TMEM14A: variants seen among roughly 807,000 people sequenced by gnomAD.
TMEM14A encodes transmembrane protein 14A.
Under a neutral mutation model 11.6 loss-of-function variants are expected in TMEM14A, and 8 were observed. The ratio of observed to expected loss-of-function variants is 0.69; its 90% CI spans 0.40 to 1.24. The LOEUF is 1.24. TMEM14A is among the 50% of genes most tolerant of loss of function. The pLI, the probability that TMEM14A is intolerant of heterozygous loss-of-function variation, is 0.01. For synonymous variants in TMEM14A, 34 were observed against 45.5 expected (o/e 0.75, Z 1.02); for missense variants, 108 against 121.9 (o/e 0.89, Z 0.54).
intron 1 of TMEM14A, among the ~76,000 whole-genome samples, chr6:52,675,196 T>C (rs959005261): frequency 6.6e-6 from 1 of 152,196 alleles, no homozygotes; most frequent in African/African-American, 2.4e-5. Flanking sequence ...TTTTATGTTC[T>C]ACATTAATTT....
chr6:52,674,939 C>T lies in TMEM14A; in HGVS notation c.-16-2148C>T, dbSNP rs924840958. Among the ~76,000 whole-genome samples the T allele has an allele frequency of 2.0e-5, 3 of 148,812 alleles. No homozygotes were observed. In the East Asian group the frequency reaches 5.9e-4, roughly 29 times the overall value. On this transcript the variant is annotated intron_variant, in intron 1 of 4. Coordinates refer to ENST00000211314, the MANE Select transcript of TMEM14A (RefSeq NM_014051.4). The stretch of plus-strand genomic sequence containing the variant: ...ACGCCCAGGCTGGAGTGCAGTGGCA[C>T]GATCACAGTTGATTGCAACCTCTGC...
chr6:52,673,828 A>T (rs746076314), intron 1 of TMEM14A, among the ~76,000 whole-genome samples: 1 of 152,212 alleles, frequency 6.6e-6, no homozygotes, highest in Non-Finnish European at 1.5e-5. Context: ...ATATGTTATA[A>T]TACTATGGTA....
intron 2 of TMEM14A, among the ~76,000 whole-genome samples, chr6:52,680,704 T>TATATATATATATATACACAC (rs371102796): frequency 2.3e-4 from 12 of 51,098 alleles, no homozygotes; most frequent in East Asian, 9.2e-4. Flanking sequence ...TATATATATA[T>TATATATATATATATACACAC]ACACATATAT....
At chr6:52,676,830 C>T (rs762172972) in intron 1 of TMEM14A, among the ~76,000 whole-genome samples, 3 of 152,134 alleles carry the variant, frequency 2.0e-5, no homozygotes, top group Non-Finnish European at 4.4e-5. Context: ...AAGTGCTACA[C>T]GCTTTCAAAC....
intron 2 of TMEM14A, 36 bp from the exon 3 acceptor site, chr6:52,681,777 T>C: frequency 6.4e-7 from 1 of 1,554,220 alleles, no homozygotes; most frequent in Non-Finnish European, 8.9e-7. Flanking sequence ...CCTTTTGGGA[T>C]TCTCTTTGTG....
At chr6:52,672,738 A>G (rs1581740738) in intron 1 of TMEM14A, among the ~76,000 whole-genome samples, 1 of 151,998 alleles carries the variant, frequency 6.6e-6, no homozygotes, top group Admixed American at 6.6e-5. Context: ...AAATCTGTCC[A>G]CCTTCTCTCC....
At chr6:52,672,824 C>T (rs549485548) in intron 1 of TMEM14A, among the ~76,000 whole-genome samples, 3 of 152,328 alleles carry the variant, frequency 2.0e-5, no homozygotes, top group East Asian at 1.9e-4. Context: ...AACAGCTTCC[C>T]GATTTATCTC....
At chr6:52,674,824 C>T (rs528093293) in intron 1 of TMEM14A, among the ~76,000 whole-genome samples, 6 of 152,130 alleles carry the variant, frequency 3.9e-5, no homozygotes, top group Admixed American at 2.0e-4. Flanking sequence ...CAGCTTCCCT[C>T]CCCCATACCC....
rs368242184 is a variant in TMEM14A at position 52,681,876 on chromosome 6, G to C, written c.134G>C (p.Arg45Pro). Residue 45 changes from arginine to proline, a missense_variant, in exon 3 of 5, where the codon CGT becomes CCT. Arg to Pro is a moderately radical substitution (Grantham distance 103, BLOSUM62 -2). Transcript: ENST00000211314. The part of the protein sequence containing the change: ...VGCLAGYGAY[R>P]VSNDKRDVKV... ...TGTTTGGCCGGCTATGGAGCTTACC[G>C]TGTCTCCAATGACAAACGAGATGTA... 2.5e-6 allele frequency: 4 copies of C among 1,614,034 alleles called. No individual in the cohort carries two copies. Among genetic ancestry groups the C allele is most frequent in the South Asian group, 2.2e-5 (2 of 91,074 alleles).
chr6:52,683,930 G>C (rs1769442864), intron 3 of TMEM14A, 148 bp from the exon 4 acceptor site: 1 of 733,820 alleles, frequency 1.4e-6, no homozygotes, highest in East Asian at 2.8e-5. Flanking sequence ...TGTTTTAATA[G>C]AGCACTTTAT....
chr6:52,683,483 C>CAACAA (rs1769430820), intron 3 of TMEM14A, among the ~76,000 whole-genome samples: 2 of 130,874 alleles, frequency 1.5e-5, no homozygotes, highest in East Asian at 2.2e-4. Context: ...ACAACAACAA[C>CAACAA]AAAAAAAAAA....
chr6:52,683,279 G>T (rs1285164021), intron 3 of TMEM14A, among the ~76,000 whole-genome samples: 1 of 152,034 alleles, frequency 6.6e-6, no homozygotes, highest in Non-Finnish European at 1.5e-5. Flanking sequence ...GGCCAACATA[G>T]CAAGACCCTG....
chr6:52,680,669 G>GTATA (rs749318698), intron 2 of TMEM14A, among the ~76,000 whole-genome samples: 3 of 35,970 alleles, frequency 8.3e-5, no homozygotes, highest in African/African-American at 2.4e-4. Context: ...ATATATATGT[G>GTATA]TATATATATA....
chr6:52,682,643 T>C (rs1307709834), intron 3 of TMEM14A, among the ~76,000 whole-genome samples: 2 of 151,932 alleles, frequency 1.3e-5, no homozygotes, highest in African/African-American at 4.8e-5. Flanking sequence ...GGGATATTTT[T>C]AGTAATGAGG....
intron 4 of TMEM14A, among the ~76,000 whole-genome samples, chr6:52,684,492 A>C (rs997920421): frequency 1.3e-5 from 2 of 152,212 alleles, no homozygotes; most frequent in East Asian, 3.8e-4. Flanking sequence ...TTTAAATCTA[A>C]TACTCAGTCC....
At chr6:52,684,713 T>A (rs1026568651) in intron 4 of TMEM14A, among the ~76,000 whole-genome samples, 1 of 152,258 alleles carries the variant, frequency 6.6e-6, no homozygotes, top group East Asian at 1.9e-4. Flanking sequence ...GATAACATTT[T>A]AAAAATTTCT....
chr6:52,682,719 T>G (rs1769414827), intron 3 of TMEM14A, among the ~76,000 whole-genome samples: 1 of 152,074 alleles, frequency 6.6e-6, no homozygotes, highest in African/African-American at 2.4e-5. Context: ...TTTAAATAGT[T>G]CACAAGTATT....
In TMEM14A at chr6:52,686,101, G is replaced by T; in HGVS notation, c.*52G>T. 1 of 1,524,344 alleles carries T rather than the reference G, an allele frequency of 6.6e-7. No homozygotes were observed. The highest frequency in any genetic ancestry group is 1.3e-5 in the South Asian group (1 of 78,670). 94.4% of individuals were successfully genotyped at this position (1,524,344 alleles called of 1,614,324 possible). A position where few individuals can be genotyped will look rare whatever the true frequency, so the allele number is the denominator to read the frequency against. On this transcript the variant is annotated 3_prime_UTR_variant, in exon 5 of 5. Coordinates refer to ENST00000211314, the MANE Select transcript of TMEM14A (RefSeq NM_014051.4). ...TCATGTCATCCTGCTGTAATGGGCAGAGCATATTTTTTTTGTATTTAAAAG... is the reference window on the plus strand; with the variant it reads ...TCATGTCATCCTGCTGTAATGGGCATAGCATATTTTTTTTGTATTTAAAAG...
intron 1 of TMEM14A, among the ~76,000 whole-genome samples, chr6:52,674,188 A>T (rs1337317564): frequency 6.7e-6 from 1 of 148,706 alleles, no homozygotes; most frequent in Non-Finnish European, 1.5e-5. Context: ...CTTTAGAAAG[A>T]TAATAAGTAG....
Sources: gnomAD v4.1 joint callset for allele counts (sites outside exome capture counted in the v4.1 genomes callset) on GRCh38, gnomAD v4.1.1 for gene constraint, MANE v1.5 for transcripts, NCBI Gene and HGNC (gene_info 2026-07-23, HGNC 2026-07-21) for gene names.